IPO7: variants seen among roughly 807,000 people sequenced by gnomAD.
The protein encoded by IPO7 is importin-7.
A neutral mutation model predicts 136.4 loss-of-function variants in IPO7; 13 were observed. The observed-to-expected ratio is 0.10, with a 90% CI of 0.06 to 0.15. The LOEUF is 0.15. IPO7 is among the 10% of genes least tolerant of loss of function. The pLI is 1.00. For synonymous variants in IPO7, 403 were observed against 404.4 expected, an observed-to-expected ratio of 1.00 and a Z score of 0.04; for missense variants, 857 against 1,240.6, an observed-to-expected ratio of 0.69 and a Z score of 4.65.
intron 5 of IPO7, among the ~76,000 whole-genome samples, chr11:9,416,769 G>A (rs548284802): frequency 2.0e-4 from 31 of 152,132 alleles, no homozygotes; most frequent in Non-Finnish European, 3.8e-4. Flanking sequence ...ACAACTGTTA[G>A]AATCCTAGAA....
chr11:9,438,910 A>G (rs1447277668), intron 22 of IPO7, among the ~76,000 whole-genome samples: 1 of 149,850 alleles, frequency 6.7e-6, no homozygotes, highest in African/African-American at 2.4e-5. Context: ...GGAAAGTATT[A>G]CAAAGCCAAA....
At chr11:9,415,832 C>T (rs956264312) in intron 5 of IPO7, among the ~76,000 whole-genome samples, 19 of 150,188 alleles carry the variant, frequency 1.3e-4, no homozygotes, top group African/African-American at 4.4e-4. Context: ...AGCAAGACTC[C>T]GTCCCAAAAA....
Position 9,408,559 on chromosome 11 carries a change from T to A in IPO7, c.240T>A (p.Pro80=). 6.2e-7 allele frequency: 1 copy of A among 1,610,454 alleles called. No homozygotes were observed. The highest frequency in any genetic ancestry group is 8.5e-7 in the Non-Finnish European group (1 of 1,177,722). Residue 80 remains proline, a synonymous_variant, in exon 3 of 25, where the codon CCT becomes CCA. Transcript: ENST00000379719. ...AAACAGCACCAGGGGATATATCCCC[T>A]TATACTATTCCAGAAGAAGATCGCC... ...DRETAPGDIS[P]YTIPEEDRHC...
chr11:9,445,908 A>C lies in IPO7; in HGVS notation c.*714A>C, dbSNP rs1164598171. Reference sequence around the variant, plus strand: ...GGGCAGGGGTAATTTCAAGTTATTAATTTAAAAATGAACTAGCAATTTTGT... The same window carrying C: ...GGGCAGGGGTAATTTCAAGTTATTACTTTAAAAATGAACTAGCAATTTTGT... On this transcript the variant is annotated 3_prime_UTR_variant, in exon 25 of 25. Coordinates refer to ENST00000379719, the MANE Select transcript of IPO7 (RefSeq NM_006391.3). 6.6e-6 allele frequency: 1 copy of C among 152,192 alleles called. No homozygotes were observed. The highest frequency in any genetic ancestry group is 2.4e-5 in the African/African-American group (1 of 41,446). The allele number at this position is 152,192 out of a possible 1,614,324, so 9.4% of individuals were successfully genotyped here. A position where few individuals can be genotyped will look rare whatever the true frequency, so the allele number is the denominator to read the frequency against.
rs181617178 is a variant in IPO7 at position 9,412,432 on chromosome 11, C to G, written c.480-1823C>G. Among the ~76,000 whole-genome samples, 61 of 152,192 alleles carry G rather than the reference C, an allele frequency of 4.0e-4. 1 individual carries two copies. Among genetic ancestry groups the G allele is most frequent in the Non-Finnish European group, 4.4e-5 (3 of 67,998 alleles). On this transcript the variant is annotated intron_variant, in intron 4 of 24. Transcript: ENST00000379719. ...TAAAGCTGTTTTGATAATATCTGTT[C>G]CAAAAAGATAAGCTGTGGCTCTTAG...
At chr11:9,444,725 C>T (rs1855504388) in intron 24 of IPO7, among the ~76,000 whole-genome samples, 1 of 150,610 alleles carries the variant, frequency 6.6e-6, no homozygotes, top group South Asian at 2.1e-4. Context: ...GTCCCAGCTA[C>T]TTGGGAGGCT....
At chr11:9,431,917 G>T (rs1855299578) in intron 16 of IPO7, among the ~76,000 whole-genome samples, 1 of 152,154 alleles carries the variant, frequency 6.6e-6, no homozygotes, top group African/African-American at 2.4e-5. Flanking sequence ...AGACGCTGCA[G>T]TGAGCATAGA....
chr11:9,393,047 AT>A lies in IPO7; in HGVS notation c.84+8204del, dbSNP rs533909363. On this transcript the variant is annotated intron_variant, in intron 1 of 24. Transcript: ENST00000379719. The stretch of plus-strand genomic sequence containing the variant: ...AAATGTGGGTCCAGAGGGAAAACTG[AT>A]TTTGAAGACATGAGTTACATACAGA... Among the ~76,000 whole-genome samples, 23 of 152,120 alleles carry A rather than the reference AT, an allele frequency of 1.5e-4. 1 individual carries two copies. Among genetic ancestry groups the A allele is most frequent in the African/African-American group, 5.3e-4 (22 of 41,502 alleles).
intron 1 of IPO7, among the ~76,000 whole-genome samples, chr11:9,391,962 T>TTGACTCCCAAGTGCTAGAG (rs1854639682): frequency 6.6e-6 from 1 of 151,908 alleles, no homozygotes; most frequent in East Asian, 1.9e-4. Context: ...AGACGAGGTC[T>TTGACTCCCAAGTGCTAGAG]GTCTTTGTTG....
At chr11:9,389,439 G>T (rs146838659) in intron 1 of IPO7, among the ~76,000 whole-genome samples, 1 of 152,184 alleles carries the variant, frequency 6.6e-6, no homozygotes, top group Non-Finnish European at 1.5e-5. Flanking sequence ...GCAAATGTCT[G>T]TGTGCTAGGC....
intron 2 of IPO7, among the ~76,000 whole-genome samples, chr11:9,406,834 A>G (rs1212448873): frequency 6.6e-6 from 1 of 152,172 alleles, no homozygotes; most frequent in African/African-American, 2.4e-5. Flanking sequence ...AGATTGTGCC[A>G]TTGTACTCCA....
Position 9,403,295 on chromosome 11 carries a change from C to A in IPO7, c.90C>A (p.His30Gln). 6.2e-7 allele frequency: 1 copy of A among 1,611,114 alleles called. No homozygotes were observed. The highest frequency in any genetic ancestry group is 8.5e-7 in the Non-Finnish European group (1 of 1,177,638). Reference sequence around the variant, plus strand: ...TGGACTTTTTTTCTTTGTAGGCACACAAGTCTCTGAATTTTGTCTCAACAC... The same window carrying A: ...TGGACTTTTTTTCTTTGTAGGCACAAAAGTCTCTGAATTTTGTCTCAACAC... Reference protein sequence around the residue: ...EAAERQLNEAHKSLNFVSTLL... With the variant: ...EAAERQLNEAQKSLNFVSTLL... The change falls in exon 2 of 25, where the codon CAC (histidine) becomes CAA (glutamine). Residue 30 changes from histidine (H) to glutamine (Q), a missense_variant. By Grantham distance (24) the His-to-Gln change is conservative. Around this residue, in one of 11 missense-constraint regions of IPO7, gnomAD observed 49 missense variants for 59.9 expected, o/e 0.82. Transcript: ENST00000379719.
At chr11:9,393,602 C>T (rs1854666647) in intron 1 of IPO7, among the ~76,000 whole-genome samples, 1 of 152,066 alleles carries the variant, frequency 6.6e-6, no homozygotes, top group Non-Finnish European at 1.5e-5. Context: ...AGGCTGGTCT[C>T]GAAGTCCTGA....
chr11:9,443,401 T>C (rs1412159520), intron 24 of IPO7, among the ~76,000 whole-genome samples: 1 of 151,506 alleles, frequency 6.6e-6, no homozygotes, highest in Admixed American at 6.6e-5. Context: ...GAGACCAGCC[T>C]GACCAACGTG....
chr11:9,423,676 A>G, intron 9 of IPO7, 101 bp from the exon 10 acceptor site: 1 of 692,098 alleles, frequency 1.4e-6, no homozygotes, highest in Non-Finnish European at 2.5e-6. Flanking sequence ...ATTAAGCTTT[A>G]AAATACATAT....
intron 1 of IPO7, among the ~76,000 whole-genome samples, chr11:9,392,946 C>CAAA (rs34911529): frequency 1.4e-4 from 14 of 100,226 alleles, no homozygotes; most frequent in Middle Eastern, 4.9e-3. Context: ...GACTCTGTCT[C>CAAA]AAAAAAAAAA....
At chr11:9,428,147 C>T (rs1452126389) in intron 12 of IPO7, among the ~76,000 whole-genome samples, 1 of 151,972 alleles carries the variant, frequency 6.6e-6, no homozygotes, top group Non-Finnish European at 1.5e-5. Context: ...AAAGAGTGTG[C>T]CTTTTTAGAT....
chr11:9,440,282 A>G (rs918214608), intron 22 of IPO7, among the ~76,000 whole-genome samples, 173 bp from the exon 23 acceptor site: 72 of 152,226 alleles, frequency 4.7e-4, no homozygotes, highest in African/African-American at 1.6e-3. Context: ...TTGGACTCCT[A>G]TGGAAATTTT....
intron 1 of IPO7, among the ~76,000 whole-genome samples, chr11:9,402,124 T>C (rs1387230779): frequency 6.6e-6 from 1 of 152,130 alleles, no homozygotes; most frequent in African/African-American, 2.4e-5. Flanking sequence ...TTGGAGGGCC[T>C]GGCATGGTGC....
Sources: gnomAD v4.1 joint callset for allele counts (sites outside exome capture counted in the v4.1 genomes callset) on GRCh38, gnomAD v4.1.1 for gene constraint, gnomAD v4.1.1 regional missense constraint, MANE v1.5 for transcripts, NCBI Gene and HGNC (gene_info 2026-07-23, HGNC 2026-07-21) for gene names.